The following TMTC2 variants were observed in gnomAD, a reference collection of about 807,000 sequenced individuals.
TMTC2 encodes the protein protein O-mannosyl-transferase TMTC2.
TMTC2 carries 43 observed loss-of-function variants against 82.4 expected under a neutral mutation model. The ratio of observed to expected loss-of-function variants is 0.52; its 90% CI spans 0.41 to 0.67. The LOEUF (loss-of-function observed/expected upper bound fraction) is 0.67. Ranked by LOEUF, TMTC2 falls within the 30% of genes least tolerant of loss-of-function variation. The pLI is 0.00. For missense variants in TMTC2, 919 were observed against 1,012.4 expected (o/e 0.91, Z 1.25); for synonymous variants, 408 against 381.9 (o/e 1.07, Z -0.80).
At chr12:83,004,975 A>G (rs1880108229) in intron 8 of TMTC2, among the ~76,000 whole-genome samples, 1 of 146,684 alleles carries the variant, frequency 6.8e-6, no homozygotes. Flanking sequence ...AACATGGTAA[A>G]ACACTGTCTC....
chr12:82,883,795 GTCT>G (rs766309735), intron 2 of TMTC2, among the ~76,000 whole-genome samples: 23 of 152,144 alleles, frequency 1.5e-4, no homozygotes, highest in African/African-American at 2.2e-4. Context: ...CCCATTAGTT[GTCT>G]TCTTCTTAAA....
At chr12:82,780,731 C>G (rs943055659) in intron 1 of TMTC2, among the ~76,000 whole-genome samples, 15 of 151,530 alleles carry the variant, frequency 9.9e-5, no homozygotes, top group Admixed American at 3.9e-4. Flanking sequence ...TTCTCAGAGG[C>G]AAATCTTAAA....
intron 11 of TMTC2, among the ~76,000 whole-genome samples, chr12:83,121,428 G>A (rs1265119070): frequency 6.6e-6 from 1 of 152,020 alleles, no homozygotes; most frequent in Non-Finnish European, 1.5e-5. Context: ...CCTCTTTTCT[G>A]GATCTAGCCA....
chr12:82,881,918 A>T (rs2733625), intron 2 of TMTC2, among the ~76,000 whole-genome samples: 22,121 of 151,750 alleles, frequency 0.15, 4,930 homozygotes, highest in African/African-American at 0.48. Flanking sequence ...GAAAAATGAC[A>T]CTTTGTGAAA....
At chr12:82,988,061 G>C (rs1466291558) in intron 8 of TMTC2, among the ~76,000 whole-genome samples, 2 of 152,186 alleles carry the variant, frequency 1.3e-5, no homozygotes, top group Non-Finnish European at 2.9e-5. Flanking sequence ...TAGAAGGAAT[G>C]CTGGAGTGAG....
intron 11 of TMTC2, among the ~76,000 whole-genome samples, chr12:83,111,229 A>G (rs940272505): frequency 2.0e-5 from 3 of 152,230 alleles, no homozygotes; most frequent in Non-Finnish European, 4.4e-5. Context: ...CTCAAAGGCC[A>G]TCTTCTCCTA....
Position 82,896,563 on chromosome 12 carries a change from G to A in TMTC2, c.1400G>A (p.Gly467Glu). 1.2e-6 allele frequency: 2 copies of A among 1,614,088 alleles called. No individual in the cohort carries two copies. The highest frequency in any genetic ancestry group is 1.7e-6 in the Non-Finnish European group (2 of 1,180,030). Reference sequence around the variant, plus strand: ...ACAGCTACACTAATTGTTTTTTATGGACTCAAGACTGCGATCAGGAATGGA... The same window carrying A: ...ACAGCTACACTAATTGTTTTTTATGAACTCAAGACTGCGATCAGGAATGGA... ...YATATLIVFY[G>E]LKTAIRNGDW... The change falls in exon 3 of 12, where the codon GGA becomes GAA. Residue 467 changes from glycine to glutamate, a missense_variant. Coordinates refer to ENST00000321196, the MANE Select transcript of TMTC2 (RefSeq NM_152588.3).
intron 4 of TMTC2, among the ~76,000 whole-genome samples, chr12:82,939,317 A>G (rs528329056): frequency 6.6e-6 from 1 of 152,220 alleles, no homozygotes; most frequent in Admixed American, 6.5e-5. Context: ...CTAATTTTTA[A>G]CATATCACTT....
chr12:82,916,509 A>G (rs925303586), intron 3 of TMTC2, among the ~76,000 whole-genome samples: 4 of 152,174 alleles, frequency 2.6e-5, no homozygotes, highest in African/African-American at 4.8e-5. Flanking sequence ...ATCGAACACT[A>G]TGAGTGGTAC....
chr12:83,026,462 G>A (rs1410576628), intron 8 of TMTC2, among the ~76,000 whole-genome samples: 1 of 151,964 alleles, frequency 6.6e-6, no homozygotes, highest in Non-Finnish European at 1.5e-5. Context: ...ATGCAACAAT[G>A]TAAGGTCTTG....
At chr12:82,825,135 CTG>C (rs1869341641) in intron 1 of TMTC2, among the ~76,000 whole-genome samples, 1 of 151,416 alleles carries the variant, frequency 6.6e-6, no homozygotes, top group Non-Finnish European at 1.5e-5. Context: ...TCAGAAGACA[CTG>C]TATGTTTTAT....
intron 3 of TMTC2, among the ~76,000 whole-genome samples, chr12:82,925,463 G>A (rs1592631817): frequency 6.6e-6 from 1 of 152,080 alleles, no homozygotes; most frequent in East Asian, 1.9e-4. Context: ...ATAGCGACAG[G>A]CATACCTTAT....
At chr12:82,865,549 C>T (rs1592585805) in intron 2 of TMTC2, among the ~76,000 whole-genome samples, 1 of 152,106 alleles carries the variant, frequency 6.6e-6, no homozygotes, top group Non-Finnish European at 1.5e-5. Context: ...TAGACTCCCA[C>T]ACAATAATAA....
intron 1 of TMTC2, among the ~76,000 whole-genome samples, chr12:82,757,476 G>A (rs906618639): frequency 6.6e-5 from 10 of 152,022 alleles, no homozygotes; most frequent in African/African-American, 2.2e-4. Flanking sequence ...GTTCCTCTTG[G>A]TGAGTTCATT....
At chr12:82,889,273 A>G (rs1439413356) in intron 2 of TMTC2, among the ~76,000 whole-genome samples, 4 of 151,710 alleles carry the variant, frequency 2.6e-5, no homozygotes, top group Non-Finnish European at 5.9e-5. Flanking sequence ...TCTCCAAAAA[A>G]AAAAAAAAAA....
intron 1 of TMTC2, among the ~76,000 whole-genome samples, chr12:82,851,119 G>A (rs1024678221): frequency 2.0e-5 from 3 of 151,812 alleles, no homozygotes; most frequent in Non-Finnish European, 4.4e-5. Flanking sequence ...GTTGTTTGGT[G>A]TTGATGATGA....
chr12:82,832,896 G>T (rs549730744), intron 1 of TMTC2, among the ~76,000 whole-genome samples: 1 of 152,284 alleles, frequency 6.6e-6, no homozygotes, highest in Admixed American at 6.5e-5. Context: ...TGCAGTCCCA[G>T]TTCCCTGTTG....
chr12:83,113,558 A>G (rs1052602492), intron 11 of TMTC2, among the ~76,000 whole-genome samples: 1 of 152,178 alleles, frequency 6.6e-6, no homozygotes, highest in African/African-American at 2.4e-5. Flanking sequence ...GGGCTTAGAG[A>G]CACACAAGCC....
At chr12:82,877,158 G>T (rs1437780806) in intron 2 of TMTC2, among the ~76,000 whole-genome samples, 1 of 151,814 alleles carries the variant, frequency 6.6e-6, no homozygotes, top group Admixed American at 6.6e-5. Context: ...GTCCATTTTT[G>T]CATTGATCAA....
Sources: gnomAD v4.1 joint callset for allele counts (sites outside exome capture counted in the v4.1 genomes callset) on GRCh38, gnomAD v4.1.1 for gene constraint, MANE v1.5 for transcripts, NCBI Gene and HGNC (gene_info 2026-07-23, HGNC 2026-07-21) for gene names.